The following PIK3R5 variants were observed in gnomAD, a reference collection of about 807,000 sequenced individuals.
PIK3R5 encodes phosphoinositide-3-kinase regulatory subunit 5, also known as phosphoinositide 3-kinase regulatory subunit 5.
A neutral mutation model predicts 94.9 loss-of-function variants in PIK3R5; 32 were observed. The observed-to-expected ratio is 0.34, with a 90% confidence interval of 0.25 to 0.45. The LOEUF (loss-of-function observed/expected upper bound fraction) is 0.45. Ranked by LOEUF, PIK3R5 falls within the 20% of genes least tolerant of loss-of-function variation. The pLI, the probability that PIK3R5 is intolerant of heterozygous loss-of-function variation, is 1.00. For synonymous variants in PIK3R5, 443 were observed against 479.4 expected (o/e 0.92, Z 0.99); for missense variants, 853 against 1,144.6 (o/e 0.75, Z 3.68).
chr17:8,918,135 T>C (rs2090665880), intron 1 of PIK3R5, among the ~76,000 whole-genome samples: 1 of 152,260 alleles, frequency 6.6e-6, no homozygotes, highest in African/African-American at 2.4e-5. Flanking sequence ...ATACATTTTC[T>C]AGTTCTGTCT....
At chr17:8,929,082 T>G (rs746202825) in intron 1 of PIK3R5, among the ~76,000 whole-genome samples, 1 of 152,142 alleles carries the variant, frequency 6.6e-6, no homozygotes, top group Non-Finnish European at 1.5e-5. Context: ...TTCAAAAAGC[T>G]ATACAAATAG....
chr17:8,886,408 CG>C (rs2089858879), intron 13 of PIK3R5, 68 bp downstream of exon 13: 12 of 1,601,880 alleles, frequency 7.5e-6, no homozygotes, highest in Non-Finnish European at 1.0e-5. Flanking sequence ...CTGGCTCTCC[CG>C]GGGCAGGGGT....
At position 8,935,723 on chromosome 17, in the gene PIK3R5, C is replaced by G. The variant is rs968504689; in HGVS notation, c.-13-24216G>C. On this transcript the variant is annotated intron_variant, in intron 1 of 18. Coordinates refer to ENST00000447110, the MANE Select transcript of PIK3R5 (RefSeq NM_001142633.3). This position sits in a 1 kb window ranked among gnomAD's most constrained non-coding sequence, Gnocchi z 4.5. ...AACAGCTCTGAGCTCCCGGACAGCT[C>G]CTGGCAGGATGGGGCTTGGCATCGG... is the stretch of plus-strand genomic sequence containing the variant. Among the ~76,000 whole-genome samples the G allele has an allele frequency of 7.2e-5, 11 of 152,146 alleles. No individual in the cohort carries two copies. The highest frequency in any genetic ancestry group is 2.9e-5 in the Non-Finnish European group (2 of 68,028).
intron 1 of PIK3R5, among the ~76,000 whole-genome samples, chr17:8,943,704 C>G (rs968350554): frequency 3.3e-5 from 5 of 152,048 alleles, no homozygotes; most frequent in African/African-American, 9.7e-5. Flanking sequence ...ACCCAGGAGG[C>G]AGAGGTTGCA....
At chr17:8,944,373 T>A (rs903269097) in intron 1 of PIK3R5, among the ~76,000 whole-genome samples, 6 of 152,216 alleles carry the variant, frequency 3.9e-5, no homozygotes, top group African/African-American at 1.4e-4. Flanking sequence ...GTGTGAATAG[T>A]GCTGCAATGA....
At chr17:8,895,048 G>C (rs1467909010) in intron 5 of PIK3R5, among the ~76,000 whole-genome samples, 4 of 152,136 alleles carry the variant, frequency 2.6e-5, no homozygotes, top group Non-Finnish European at 5.9e-5. Flanking sequence ...CGCATATTTA[G>C]AAGTTAACGT....
In PIK3R5 at chr17:8,958,280, C is replaced by CAAAA. The variant is rs10716055; in HGVS notation, c.-14+7312_-14+7315dup. Among the ~76,000 whole-genome samples, 7 of 131,754 alleles carry CAAAA rather than the reference C, an allele frequency of 5.3e-5. No individual in the cohort carries two copies. The East Asian group carries it at 6.7e-4, about 13-fold the overall frequency. The allele number at this position is 131,754 out of a possible 152,430, so 86.4% of individuals were successfully genotyped here. On this transcript the variant is annotated intron_variant, in intron 1 of 18. Transcript: ENST00000447110. ...ACTGCACTCCAGAGTGAGACTGTCTCAAAAAAAAAAAAAAAAATCCTAAAG... is the reference window on the plus strand; with the variant it reads ...ACTGCACTCCAGAGTGAGACTGTCTCAAAAAAAAAAAAAAAAAAAAATCCTAAAG...
chr17:8,963,662 C>T (rs1457092594), intron 1 of PIK3R5, among the ~76,000 whole-genome samples: 1 of 152,006 alleles, frequency 6.6e-6, no homozygotes, highest in Non-Finnish European at 1.5e-5. Flanking sequence ...TTAAGCTTCT[C>T]GAGTAGCTGG....
Position 8,893,694 on chromosome 17 carries a change from T to G in PIK3R5, c.413-39A>C. On this transcript the variant is annotated intron_variant, in intron 5 of 18. Coordinates refer to ENST00000447110, the MANE Select transcript of PIK3R5 (RefSeq NM_001142633.3). This position sits in a 1 kb window ranked among gnomAD's most constrained non-coding sequence, Gnocchi z 5.1. ...AGAAAAGAGTTCATGGGCTGATCAG[T>G]TCCTTCAGCATCGTCCGTGTGCCTC... is the stretch of plus-strand genomic sequence containing the variant. 9 of 1,467,592 alleles carry G rather than the reference T, an allele frequency of 6.1e-6. No individual in the cohort carries two copies. Among genetic ancestry groups the G allele is most frequent in the Non-Finnish European group, 8.6e-6 (9 of 1,046,856 alleles). The allele number at this position is 1,467,592 out of a possible 1,614,324, so 90.9% of individuals were successfully genotyped here. A position where few individuals can be genotyped will look rare whatever the true frequency, so the allele number is the denominator to read the frequency against.
intron 1 of PIK3R5, among the ~76,000 whole-genome samples, chr17:8,924,354 C>T (rs1269802846): frequency 2.0e-5 from 3 of 151,624 alleles, no homozygotes; most frequent in East Asian, 1.9e-4. Context: ...GCTGGGATTA[C>T]AGGCGTGAGC....
intron 1 of PIK3R5, among the ~76,000 whole-genome samples, chr17:8,926,486 C>T (rs1031468077): frequency 6.6e-6 from 1 of 152,150 alleles, no homozygotes; most frequent in Non-Finnish European, 1.5e-5. Context: ...TTTAATTGGA[C>T]TTACAGTTCC....
intron 1 of PIK3R5, among the ~76,000 whole-genome samples, chr17:8,948,675 G>A (rs1456084277): frequency 1.3e-5 from 2 of 152,166 alleles, no homozygotes; most frequent in African/African-American, 2.4e-5. Flanking sequence ...GCACTGTTGT[G>A]AGGATGTGAA....
chr17:8,890,925 G>A lies in PIK3R5; in HGVS notation c.483-13C>T. 6.2e-7 allele frequency: 1 copy of A among 1,612,060 alleles called. No homozygotes were observed. The highest frequency in any genetic ancestry group is 2.2e-5 in the East Asian group (1 of 44,824). On this transcript the variant is annotated splice_polypyrimidine_tract_variant and intron_variant, in intron 6 of 18. Coordinates refer to ENST00000447110, the MANE Select transcript of PIK3R5 (RefSeq NM_001142633.3). The surrounding 1 kb of genome is among the most constrained non-coding windows in gnomAD (Gnocchi z 6.1). ...CAGCAGCACGGTGCTGGGGACACAG[G>A]GGACCGGCTATGGCACCCAGGGGTG... is the stretch of plus-strand genomic sequence containing the variant.
chr17:8,884,667 G>T lies in PIK3R5; in HGVS notation c.2205+40C>A. 6.7e-7 allele frequency: 1 copy of T among 1,489,790 alleles called. No individual in the cohort carries two copies. Among genetic ancestry groups the T allele is most frequent in the Non-Finnish European group, 9.4e-7 (1 of 1,068,312 alleles). The allele number at this position is 1,489,790 out of a possible 1,614,324, so 92.3% of individuals were successfully genotyped here. On this transcript the variant is annotated intron_variant, in intron 15 of 18. Transcript: ENST00000447110. This position sits in a 1 kb window ranked among gnomAD's most constrained non-coding sequence, Gnocchi z 5.8. ...AGCTCTGGCGGAGGAAGTATCAGCA[G>T]CAGATCCTGGAGGGGAAGGAGCCCC... is the stretch of plus-strand genomic sequence containing the variant.
chr17:8,906,235 A>G (rs1193282380), intron 3 of PIK3R5, among the ~76,000 whole-genome samples: 1 of 151,984 alleles, frequency 6.6e-6, no homozygotes, highest in African/African-American at 2.4e-5. Flanking sequence ...AATCCCACTT[A>G]TGAGTGAGAA....
At chr17:8,928,567 C>G (rs753542153) in intron 1 of PIK3R5, among the ~76,000 whole-genome samples, 1 of 152,068 alleles carries the variant, frequency 6.6e-6, no homozygotes, top group Admixed American at 6.5e-5. Context: ...TACTTTTCAT[C>G]AAAAATTATG....
intron 1 of PIK3R5, among the ~76,000 whole-genome samples, chr17:8,959,040 G>A (rs372703149): frequency 2.0e-5 from 3 of 152,188 alleles, no homozygotes; most frequent in Admixed American, 1.3e-4. Context: ...TTACAGGTGT[G>A]AGCCACCACG....
chr17:8,915,573 C>T (rs2090614004), intron 1 of PIK3R5: 1 of 152,422 alleles, frequency 6.6e-6, no homozygotes, highest in South Asian at 2.1e-4. Flanking sequence ...GCAACACTCT[C>T]TCGGACTCCA....
chr17:8,909,034 C>T lies in PIK3R5; in HGVS notation c.204+40G>A, dbSNP rs375623814. 141 of 1,288,820 alleles carry T rather than the reference C, an allele frequency of 1.1e-4. No individual in the cohort carries two copies. The Admixed American group carries it at 2.1e-3, about 19-fold the overall frequency. The allele number at this position is 1,288,820 out of a possible 1,614,324, so 79.8% of individuals were successfully genotyped here. A position where few individuals can be genotyped will look rare whatever the true frequency, so the allele number is the denominator to read the frequency against. On this transcript the variant is annotated intron_variant, in intron 3 of 18. Coordinates refer to ENST00000447110, the MANE Select transcript of PIK3R5 (RefSeq NM_001142633.3). This position sits in a 1 kb window ranked among gnomAD's most constrained non-coding sequence, Gnocchi z 4.3. ...GACCTATTTCTCCACTCTACGAGGC[C>T]GACCCCAGATCTGCCCTTCAATTCC... is the stretch of plus-strand genomic sequence containing the variant.
Sources: allele counts gnomAD v4.1 joint callset (sites outside exome capture counted in the v4.1 genomes callset), GRCh38; gene constraint gnomAD v4.1.1; non-coding constraint Gnocchi (gnomAD v3.1); transcripts MANE v1.5; gene names NCBI Gene and HGNC (gene_info 2026-07-23, HGNC 2026-07-21).